The following ZBBX variants were observed in gnomAD, a reference collection of about 807,000 sequenced individuals.
ZBBX encodes the protein zinc finger B-box domain-containing protein 1.
Under a neutral mutation model 108.5 loss-of-function variants are expected in ZBBX, and 101 were observed. The ratio of observed to expected loss-of-function variants is 0.93; its 90% CI spans 0.79 to 1.10. The LOEUF (loss-of-function observed/expected upper bound fraction) is 1.10, where lower values mean the gene tolerates loss of function less well. ZBBX is among the 50% of genes least tolerant of loss of function. The pLI, the probability that ZBBX is intolerant of heterozygous loss-of-function variation, is 0.00. For missense variants in ZBBX, 1,009 were observed against 941.4 expected (o/e 1.07, Z -0.94); for synonymous variants, 356 against 323.4 (o/e 1.10, Z -1.08).
intron 20 of ZBBX, among the ~76,000 whole-genome samples, chr3:167,280,290 A>C (rs2108516692): frequency 6.6e-6 from 1 of 152,184 alleles, no homozygotes; most frequent in Middle Eastern, 3.4e-3. Context: ...GCAAAAAAAA[A>C]AAAACTACCA....
At chr3:167,360,775 C>A (rs530351513) in intron 6 of ZBBX, 52 bp from the exon 7 acceptor site, 14 of 1,162,038 alleles carry the variant, frequency 1.2e-5, no homozygotes, top group Non-Finnish European at 1.6e-5. Context: ...TCTTATTCAA[C>A]GAAAGTTGCC....
chr3:167,349,425 T>A (rs1344997158), intron 9 of ZBBX, among the ~76,000 whole-genome samples: 1 of 152,036 alleles, frequency 6.6e-6, no homozygotes, highest in Admixed American at 6.6e-5. Context: ...TCTCCCTGCA[T>A]CCTTTCTGCC....
chr3:167,228,334 T>C, the ZBBX span, among the ~76,000 whole-genome samples: 8 of 151,928 alleles, frequency 5.3e-5, no homozygotes, highest in South Asian at 1.7e-3. Context: ...CAAAGTGCTC[T>C]GCAGTCCATT....
intron 4 of ZBBX, among the ~76,000 whole-genome samples, chr3:167,370,543 A>G (rs1250979615): frequency 1.3e-5 from 2 of 152,158 alleles, no homozygotes; most frequent in East Asian, 3.9e-4. Context: ...ATTTGCTTAG[A>G]AGACTTCTGA....
At chr3:167,181,486 T>C in the ZBBX span, among the ~76,000 whole-genome samples, 3 of 152,218 alleles carry the variant, frequency 2.0e-5, no homozygotes, top group Non-Finnish European at 2.9e-5. Context: ...AGGCCAATGA[T>C]GTAGAGAAAT....
chr3:167,245,418 C>G (rs933966959), intron 20 of ZBBX, among the ~76,000 whole-genome samples: 3 of 152,190 alleles, frequency 2.0e-5, no homozygotes, highest in Admixed American at 6.5e-5. Flanking sequence ...TCTCTCCCCT[C>G]TGCACTATGT....
At chr3:167,303,638 A>C (rs965572457) in intron 17 of ZBBX, among the ~76,000 whole-genome samples, 5 of 152,186 alleles carry the variant, frequency 3.3e-5, no homozygotes, top group Non-Finnish European at 1.5e-5. Context: ...TCTTGAATGA[A>C]AGTTTTGCAA....
Position 167,350,596 on chromosome 3 carries a change from GT to G in ZBBX, c.433-82del. The G allele has an allele frequency of 3.0e-6, 3 of 989,064 alleles. No individual in the cohort carries two copies. In the East Asian group the frequency reaches 8.8e-5, roughly 29 times the overall value. 61.3% of individuals were successfully genotyped at this position (989,064 alleles called of 1,614,324 possible). Reference sequence around the variant, plus strand: ...GAAAGTGTTTGCATAAAGATGTCTTGTTTTTTAATATTTATTTCTCTAATTA... The same window carrying G: ...GAAAGTGTTTGCATAAAGATGTCTTGTTTTTAATATTTATTTCTCTAATTA... On this transcript the variant is annotated intron_variant, in intron 8 of 21. Transcript: ENST00000675490.
chr3:167,366,614 A>G (rs1447680603), intron 5 of ZBBX, among the ~76,000 whole-genome samples: 1 of 151,924 alleles, frequency 6.6e-6, no homozygotes, highest in Non-Finnish European at 1.5e-5. Flanking sequence ...AGATTGGAGC[A>G]CTAGACTTCT....
chr3:167,230,048 T>C, the ZBBX span, among the ~76,000 whole-genome samples: 6 of 151,884 alleles, frequency 4.0e-5, no homozygotes, highest in African/African-American at 7.2e-5. Context: ...CCTATATTTG[T>C]AATGCAGCAT....
the ZBBX span, among the ~76,000 whole-genome samples, chr3:167,230,237 A>G: frequency 1.3e-5 from 2 of 151,846 alleles, no homozygotes; most frequent in African/African-American, 4.8e-5. Context: ...GTTACTATAG[A>G]AAACCTTGTC....
the ZBBX span, among the ~76,000 whole-genome samples, chr3:167,196,926 G>A: frequency 6.6e-6 from 1 of 152,138 alleles, no homozygotes; most frequent in African/African-American, 2.4e-5. Flanking sequence ...CAAAATGAGA[G>A]TAGCTACTCC....
At chr3:167,250,581 G>A (rs1722407186) in intron 20 of ZBBX, among the ~76,000 whole-genome samples, 1 of 150,464 alleles carries the variant, frequency 6.6e-6, no homozygotes, top group Non-Finnish European at 1.5e-5. Flanking sequence ...AATCCAAATG[G>A]TCAACCGGAG....
Position 167,322,154 on chromosome 3 carries a change from A to G in ZBBX, c.946T>C (p.Ser316Pro). 7.0e-7 allele frequency: 1 copy of G among 1,426,506 alleles called. No homozygotes were observed. The highest frequency in any genetic ancestry group is 9.3e-7 in the Non-Finnish European group (1 of 1,071,140). The allele number at this position is 1,426,506 out of a possible 1,614,324, so 88.4% of individuals were successfully genotyped here. Residue 316 changes from serine (S) to proline (P), a missense_variant, in exon 12 of 22, where the codon TCC becomes CCC. Physicochemically the swap from Ser to Pro is moderately conservative, Grantham distance 74 (BLOSUM62 -1). Coordinates refer to ENST00000675490, the MANE Select transcript of ZBBX (RefSeq NM_001199201.2). Reference protein sequence around the residue: ...LNIELKEDILSYMEKLWLKKH... With the variant: ...LNIELKEDILPYMEKLWLKKH... ...TTAAGCCATAATTTTTCCATATAGG[A>G]TAGAATGTCTTCTTTAAGTTCAATA... is the stretch of plus-strand genomic sequence containing the variant.
downstream of ZBBX, among the ~76,000 whole-genome samples, chr3:167,235,983 CG>C (rs953919562): frequency 2.0e-5 from 3 of 151,446 alleles, no homozygotes; most frequent in African/African-American, 7.3e-5. Context: ...AATAAATAAC[CG>C]GGGGTGAAAA....
chr3:167,222,003 T>G, the ZBBX span, among the ~76,000 whole-genome samples: 3 of 152,086 alleles, frequency 2.0e-5, no homozygotes, highest in African/African-American at 7.2e-5. Context: ...GAGAACAGTT[T>G]GGAGGTTCCT....
At chr3:167,406,739 T>C (rs1209614944) in intron 1 of ZBBX, among the ~76,000 whole-genome samples, 1 of 152,200 alleles carries the variant, frequency 6.6e-6, no homozygotes, top group African/African-American at 2.4e-5. Flanking sequence ...GTAAGCCCTT[T>C]CAGTTCTCTA....
At chr3:167,208,229 G>A in the ZBBX span, among the ~76,000 whole-genome samples, 30,219 of 152,130 alleles carry the variant, frequency 0.2, 3,255 homozygotes, top group Non-Finnish European at 0.25. Context: ...TTGAAAGGCA[G>A]TCTAGGCCAC....
chr3:167,218,778 C>T, the ZBBX span, among the ~76,000 whole-genome samples: 2 of 151,944 alleles, frequency 1.3e-5, no homozygotes, highest in Non-Finnish European at 2.9e-5. Context: ...TTCTCAATTA[C>T]CACTGATAAG....
Sources: gnomAD v4.1 joint callset for allele counts (sites outside exome capture counted in the v4.1 genomes callset) on GRCh38, gnomAD v4.1.1 for gene constraint, MANE v1.5 for transcripts, NCBI Gene and HGNC (gene_info 2026-07-23, HGNC 2026-07-21) for gene names.